Variants in CFAP251 observed in about 807,000 individuals in gnomAD.
CFAP251 encodes cilia- and flagella-associated protein 251.
Under a neutral mutation model 126.7 loss-of-function variants are expected in CFAP251, and 93 were observed. The observed-to-expected ratio is 0.73, with a 90% confidence interval of 0.62 to 0.87. The LOEUF (loss-of-function observed/expected upper bound fraction) is 0.87. Among genes scored for constraint, CFAP251 ranks in the 40% least tolerant of loss-of-function variants. CFAP251 has a pLI of 0.00. For synonymous variants in CFAP251, 503 were observed against 506.9 expected (o/e 0.99, Z 0.10); for missense variants, 1,287 against 1,389.2 (o/e 0.93, Z 1.17).
intron 3 of CFAP251, among the ~76,000 whole-genome samples, chr12:121,928,644 ATATATATATATACG>A (rs1460233430): frequency 2.5e-4 from 9 of 35,384 alleles, no homozygotes; most frequent in South Asian, 8.2e-4. Context: ...ATACGTATAT[ATATATATATATACG>A]TATATATATA....
chr12:121,974,254 T>C lies in CFAP251; in HGVS notation c.2772-990T>C. On this transcript the variant is annotated intron_variant, in intron 17 of 21. Coordinates refer to ENST00000288912, the MANE Select transcript of CFAP251 (RefSeq NM_144668.6). This position sits in a 1 kb window ranked among gnomAD's most constrained non-coding sequence, Gnocchi z 4.6. ...TTTCACCTTGCGCCATAATTGTGAGTCCTCCCCAGCCATGTGAAACCGTAA... is the reference window on the plus strand; with the variant it reads ...TTTCACCTTGCGCCATAATTGTGAGCCCTCCCCAGCCATGTGAAACCGTAA... 6.6e-6 allele frequency among the ~76,000 whole-genome samples: 1 copy of C among 152,048 alleles called. No individual in the cohort carries two copies. Among genetic ancestry groups the C allele is most frequent in the East Asian group, 1.9e-4 (1 of 5,194 alleles).
chr12:122,002,062 A>G (rs1302357069), intron 21 of CFAP251: 1 of 183,504 alleles, frequency 5.4e-6, no homozygotes, highest in Non-Finnish European at 1.2e-5. Context: ...ATCTCTACAA[A>G]AAAAAAACCA....
At chr12:121,977,388 G>C (rs796649601) in intron 19 of CFAP251, among the ~76,000 whole-genome samples, 59 of 152,368 alleles carry the variant, frequency 3.9e-4, no homozygotes, top group African/African-American at 1.3e-3. Flanking sequence ...CCTTGGCGCA[G>C]TGGCTCACGC....
intron 17 of CFAP251, chr12:121,971,633 G>T: frequency 1.4e-6 from 1 of 702,710 alleles, no homozygotes; most frequent in South Asian, 1.5e-5. Context: ...TCTGATGACT[G>T]CCCAAGCAAT....
At chr12:122,001,872 T>C (rs1464269846) in intron 21 of CFAP251, 4 of 466,106 alleles carry the variant, frequency 8.6e-6, no homozygotes, top group East Asian at 4.1e-5. Context: ...TGGGTGAATA[T>C]TGGCCACCCG....
At chr12:121,954,458 G>A (rs555997227) in intron 10 of CFAP251, 124 bp downstream of exon 10, 993 of 868,838 alleles carry the variant, frequency 1.1e-3, no homozygotes, top group Non-Finnish European at 1.6e-3. Context: ...TGAGGTGGGA[G>A]GATCACATGA....
Position 121,960,575 on chromosome 12 carries a change from T to C in CFAP251, c.2134-10T>C, listed in dbSNP as rs1406375388. ...AATGGGATAACTCCTTCTCTTTTGC[T>C]CATCTTCAGGATAGAAGTTTTACTG... On this transcript the variant is annotated splice_polypyrimidine_tract_variant and intron_variant, in intron 13 of 21. Transcript: ENST00000288912. The C allele has an allele frequency of 6.2e-7, 1 of 1,613,810 alleles. No individual in the cohort carries two copies. The highest frequency in any genetic ancestry group is 8.5e-7 in the Non-Finnish European group (1 of 1,179,836).
chr12:121,933,880 C>G (rs1880787038), intron 4 of CFAP251, among the ~76,000 whole-genome samples: 1 of 152,082 alleles, frequency 6.6e-6, no homozygotes, highest in Non-Finnish European at 1.5e-5. Context: ...CAGAGCTGCT[C>G]AGAGCCCTGA....
At chr12:121,943,498 A>G (rs976666852) in intron 7 of CFAP251, among the ~76,000 whole-genome samples, 3 of 151,966 alleles carry the variant, frequency 2.0e-5, no homozygotes, top group African/African-American at 7.2e-5. Flanking sequence ...TCTCGGCTCA[A>G]CACAACCTCT....
Position 121,949,035 on chromosome 12 carries a change from A to G in CFAP251, c.1243A>G (p.Lys415Glu), listed in dbSNP as rs1881427390. The change falls in exon 8 of 22, where the codon AAA (lysine) becomes GAA (glutamate). Residue 415 changes from lysine (K) to glutamate (E), a missense_variant. By Grantham distance (56) the Lys-to-Glu change is moderately conservative. Coordinates refer to ENST00000288912, the MANE Select transcript of CFAP251 (RefSeq NM_144668.6). ...TAATAAAGAATTGGTGAGCAATAGT[A>G]AAACACGGGCAATATATTATGCATG... Reference protein sequence around the residue: ...TNNKELVSNSKTRAIYYAWYE... With the variant: ...TNNKELVSNSETRAIYYAWYE... 6.3e-7 allele frequency: 1 copy of G among 1,590,876 alleles called. No homozygotes were observed. The highest frequency in any genetic ancestry group is 8.6e-7 in the Non-Finnish European group (1 of 1,168,844).
intron 8 of CFAP251, chr12:121,951,200 G>C (rs939356340): frequency 2.0e-5 from 5 of 246,680 alleles, no homozygotes; most frequent in Non-Finnish European, 3.9e-5. Context: ...CAGGCTGGGC[G>C]ATAGATGTGT....
rs561715242 is a variant in CFAP251, at chr12:121,936,362, G to A, written c.998+2006G>A. Among the ~76,000 whole-genome samples, 6 of 152,358 alleles carry A rather than the reference G, an allele frequency of 3.9e-5. No homozygotes were observed. In the South Asian group the frequency reaches 6.2e-4, roughly 16 times the overall value. ...CGCGGGAGGCTGAGGCGGGAAGATG[G>A]CTTGAGCTTAGGTGTTTGAGGCTGC... On this transcript the variant is annotated intron_variant, in intron 5 of 21. Coordinates refer to ENST00000288912, the MANE Select transcript of CFAP251 (RefSeq NM_144668.6).
intron 7 of CFAP251, among the ~76,000 whole-genome samples, chr12:121,946,245 T>C (rs1025796245): frequency 3.9e-5 from 6 of 152,242 alleles, no homozygotes; most frequent in African/African-American, 1.4e-4. Context: ...TTCCTTTTTA[T>C]TGTTGAATAG....
At chr12:121,924,190 G>C (rs545022338) in intron 3 of CFAP251, among the ~76,000 whole-genome samples, 200 bp downstream of exon 3, 5 of 146,148 alleles carry the variant, frequency 3.4e-5, no homozygotes, top group African/African-American at 1.3e-4. Flanking sequence ...GCTCACTGCA[G>C]CCTCCACCTC....
chr12:121,934,849 C>T (rs2135755915), intron 5 of CFAP251, among the ~76,000 whole-genome samples: 1 of 152,344 alleles, frequency 6.6e-6, no homozygotes, highest in East Asian at 1.9e-4. Context: ...CTCCATTGCC[C>T]ACGCTGGAGT....
chr12:121,975,530 A>G lies in CFAP251; in HGVS notation c.2863-12A>G. 6.2e-7 allele frequency: 1 copy of G among 1,607,816 alleles called. No individual in the cohort carries two copies. Among genetic ancestry groups the G allele is most frequent in the Non-Finnish European group, 8.5e-7 (1 of 1,178,416 alleles). ...TAAATGTGTGTTGTGTTTCCGTTGTATTCCTACATAGGAGCTAGAAGACTA... is the reference window on the plus strand; with the variant it reads ...TAAATGTGTGTTGTGTTTCCGTTGTGTTCCTACATAGGAGCTAGAAGACTA... On this transcript the variant is annotated splice_polypyrimidine_tract_variant and intron_variant, in intron 18 of 21. Coordinates refer to ENST00000288912, the MANE Select transcript of CFAP251 (RefSeq NM_144668.6).
chr12:121,924,452 G>A (rs1285046882), intron 3 of CFAP251, among the ~76,000 whole-genome samples: 2 of 73,762 alleles, frequency 2.7e-5, no homozygotes, highest in African/African-American at 6.0e-5. Context: ...TTTTTTTGGA[G>A]ACACAGTTTC....
At chr12:121,992,204 T>A in intron 19 of CFAP251, 1 of 985,488 alleles carries the variant, frequency 1.0e-6, no homozygotes, top group African/African-American at 1.7e-5. Flanking sequence ...GAACAAGCTC[T>A]GCGTTCTATT....
chr12:121,919,046 C>A (rs1447554276), intron 1 of CFAP251, among the ~76,000 whole-genome samples: 3 of 152,068 alleles, frequency 2.0e-5, no homozygotes, highest in African/African-American at 7.2e-5. Context: ...AGAGAAATCT[C>A]GTTCTTACTA....
Sources: gnomAD v4.1 joint callset for allele counts (sites outside exome capture counted in the v4.1 genomes callset) on GRCh38, gnomAD v4.1.1 for gene constraint, Gnocchi (gnomAD v3.1) non-coding constraint, MANE v1.5 for transcripts, NCBI Gene and HGNC (gene_info 2026-07-23, HGNC 2026-07-21) for gene names.